The following MYO1D variants were observed in gnomAD, a reference collection of about 807,000 sequenced individuals.
MYO1D encodes myosin ID, also known as unconventional myosin-Id.
A neutral mutation model predicts 122.0 loss-of-function variants in MYO1D; 83 were observed. The observed-to-expected ratio is 0.68, with a 90% CI of 0.57 to 0.82. The LOEUF (loss-of-function observed/expected upper bound fraction) is 0.82, where lower values mean the gene tolerates loss of function less well. MYO1D is among the 40% of genes least tolerant of loss of function. The probability of loss-of-function intolerance (pLI) is 0.00; values close to 1 mark genes in which losing one functional copy is unlikely to be tolerated. For missense variants in MYO1D, 1,157 were observed against 1,269.5 expected (o/e 0.91, Z 1.35); for synonymous variants, 464 against 446.9 (o/e 1.04, Z -0.48).
chr17:32,553,307 C>A (rs757527799), intron 21 of MYO1D, among the ~76,000 whole-genome samples: 1 of 152,132 alleles, frequency 6.6e-6, no homozygotes, highest in African/African-American at 2.4e-5. Context: ...GAGAAATTCA[C>A]AACAGTGTTG....
chr17:32,583,108 A>T (rs1460813946), intron 21 of MYO1D, among the ~76,000 whole-genome samples: 3 of 152,126 alleles, frequency 2.0e-5, no homozygotes, highest in African/African-American at 7.2e-5. Flanking sequence ...TGTGTCTGAA[A>T]AGTCTTTTAA....
At chr17:32,645,692 A>G (rs150448089) in intron 19 of MYO1D, among the ~76,000 whole-genome samples, 3,710 of 152,234 alleles carry the variant, frequency 0.024, 136 homozygotes, top group African/African-American at 0.084. Context: ...CAGTTGATCG[A>G]ATCAGTTACT....
At chr17:32,629,518 A>C (rs572026606) in intron 20 of MYO1D, among the ~76,000 whole-genome samples, 19 of 152,138 alleles carry the variant, frequency 1.2e-4, no homozygotes, top group Non-Finnish European at 2.2e-4. Context: ...GTGGGTCATG[A>C]GGTCAGGAGT....
At chr17:32,583,282 TC>T (rs892338814) in intron 21 of MYO1D, among the ~76,000 whole-genome samples, 1 of 152,220 alleles carries the variant, frequency 6.6e-6, no homozygotes, top group African/African-American at 2.4e-5. Flanking sequence ...ATATAATGTG[TC>T]TTTCTCCTCT....
At chr17:32,864,007 CTTTTT>C (rs560953120) in intron 1 of MYO1D, among the ~76,000 whole-genome samples, 681 of 48,804 alleles carry the variant, frequency 0.014, 14 homozygotes, top group African/African-American at 0.067. Context: ...ACATTTCTTC[CTTTTT>C]TTTTTTTTTT....
At chr17:32,609,920 A>T (rs897022359) in intron 20 of MYO1D, among the ~76,000 whole-genome samples, 59 of 152,300 alleles carry the variant, frequency 3.9e-4, no homozygotes, top group African/African-American at 1.4e-3. Context: ...TGATTAAATT[A>T]AAAATATCAT....
chr17:32,872,302 T>G (rs911146242), intron 1 of MYO1D, among the ~76,000 whole-genome samples: 2 of 152,184 alleles, frequency 1.3e-5, no homozygotes, highest in Admixed American at 1.3e-4. Flanking sequence ...AGACGGAGTC[T>G]TGCTCAGTCA....
intron 16 of MYO1D, among the ~76,000 whole-genome samples, chr17:32,688,403 A>G (rs1004273276): frequency 6.6e-6 from 1 of 152,216 alleles, no homozygotes; most frequent in Admixed American, 6.5e-5. Flanking sequence ...TAAAACTAAC[A>G]GCAGGCACAT....
At chr17:32,813,241 T>C (rs1040872788) in intron 1 of MYO1D, among the ~76,000 whole-genome samples, 1 of 152,208 alleles carries the variant, frequency 6.6e-6, no homozygotes, top group Non-Finnish European at 1.5e-5. Context: ...TGCTAAGCAA[T>C]ACGCCAAGGG....
intron 21 of MYO1D, among the ~76,000 whole-genome samples, chr17:32,528,790 G>A (rs905328328): frequency 1.3e-5 from 2 of 152,168 alleles, no homozygotes; most frequent in African/African-American, 2.4e-5. Flanking sequence ...AAGGAGTGCC[G>A]GCAGCTCCCA....
intron 21 of MYO1D, among the ~76,000 whole-genome samples, chr17:32,544,916 T>G (rs886654721): frequency 6.6e-6 from 1 of 152,212 alleles, no homozygotes; most frequent in Non-Finnish European, 1.5e-5. Context: ...GTAAAATATT[T>G]GATAAAATGC....
intron 15 of MYO1D, among the ~76,000 whole-genome samples, chr17:32,717,395 C>T (rs1234339955): frequency 6.6e-6 from 1 of 152,202 alleles, no homozygotes; most frequent in South Asian, 2.1e-4. Context: ...CTTCCCCACC[C>T]TTACAATCAG....
chr17:32,554,988 C>G (rs1201843161), intron 21 of MYO1D, among the ~76,000 whole-genome samples: 3 of 151,988 alleles, frequency 2.0e-5, no homozygotes, highest in East Asian at 3.9e-4. Context: ...GAAAAATGTA[C>G]GAAAAGCCTT....
intron 21 of MYO1D, chr17:32,519,050 C>G (rs1312186360): frequency 6.6e-6 from 1 of 152,432 alleles, no homozygotes; most frequent in African/African-American, 2.4e-5. Context: ...TCTCCTCCCT[C>G]TCACCAAGTG....
At chr17:32,519,290 G>C (rs1910015121) in intron 21 of MYO1D, 1 of 152,316 alleles carries the variant, frequency 6.6e-6, no homozygotes, top group African/African-American at 2.4e-5. Context: ...GCCGGGTGGG[G>C]GTGGCGGCGA....
At chr17:32,639,530 A>G (rs764986673) in intron 19 of MYO1D, among the ~76,000 whole-genome samples, 3 of 151,998 alleles carry the variant, frequency 2.0e-5, no homozygotes, top group Non-Finnish European at 4.4e-5. Flanking sequence ...AGACTTGGGT[A>G]ATAAACACAT....
chr17:32,718,548 A>C (rs1242865293), intron 15 of MYO1D, among the ~76,000 whole-genome samples: 1 of 151,992 alleles, frequency 6.6e-6, no homozygotes, highest in Non-Finnish European at 1.5e-5. Flanking sequence ...AAATGAAAAA[A>C]AAATTAGCTG....
chr17:32,662,446 G>T lies in MYO1D; in HGVS notation c.2122-3108C>A, dbSNP rs142091193. 7.9e-3 allele frequency among the ~76,000 whole-genome samples: 1,198 copies of T among 152,310 alleles called. 23 individuals are homozygous for T. The highest frequency in any genetic ancestry group is 0.027 in the African/African-American group (1,138 of 41,570). ...TCGGCACTTTGGGAGGCCAAGGTGG[G>T]CGGATCACAAGGTCAGGAGTTCCAG... On this transcript the variant is annotated intron_variant, in intron 16 of 21. Coordinates refer to ENST00000318217, the MANE Select transcript of MYO1D (RefSeq NM_015194.3).
At chr17:32,553,154 T>C (rs2087036316) in intron 21 of MYO1D, among the ~76,000 whole-genome samples, 1 of 151,242 alleles carries the variant, frequency 6.6e-6, no homozygotes, top group South Asian at 2.1e-4. Context: ...TGTTGGGATA[T>C]GTCCCTGGTG....
Sources: gnomAD v4.1 joint callset for allele counts (sites outside exome capture counted in the v4.1 genomes callset) on GRCh38, gnomAD v4.1.1 for gene constraint, MANE v1.5 for transcripts, NCBI Gene and HGNC (gene_info 2026-07-23, HGNC 2026-07-21) for gene names.